The following SLC9A1 variants were observed in gnomAD, a reference collection of about 807,000 sequenced individuals.
The protein encoded by SLC9A1 is sodium/hydrogen exchanger 1.
In SLC9A1, 22 loss-of-function variants were observed where a neutral mutation model predicts 67.9. The ratio of observed to expected loss-of-function variants is 0.32; its 90% CI spans 0.23 to 0.46. The LOEUF (loss-of-function observed/expected upper bound fraction) is 0.46. Among genes scored for constraint, SLC9A1 ranks in the 20% least tolerant of loss-of-function variants. The pLI is 1.00. For missense variants in SLC9A1, 686 were observed against 1,094.8 expected (o/e 0.63, Z 5.27); for synonymous variants, 421 against 471.8 (o/e 0.89, Z 1.40).
intron 1 of SLC9A1, among the ~76,000 whole-genome samples, chr1:27,115,244 C>T (rs963772782): frequency 2.0e-5 from 3 of 152,168 alleles, no homozygotes; most frequent in African/African-American, 7.2e-5. Context: ...AGCCATCTCC[C>T]CAGGCCGTGT....
chr1:27,121,845 G>A (rs1303156805), intron 1 of SLC9A1, among the ~76,000 whole-genome samples: 1 of 152,124 alleles, frequency 6.6e-6, no homozygotes, highest in Non-Finnish European at 1.5e-5. Context: ...GTGGAGGGCC[G>A]GGCGCAGTGG....
chr1:27,131,437 TACAA>T (rs2083383438), intron 1 of SLC9A1, among the ~76,000 whole-genome samples: 1 of 6,144 alleles, frequency 1.6e-4, no homozygotes, highest in Non-Finnish European at 3.8e-4. Context: ...CTACTAAAAA[TACAA>T]AAAAAAAAAA....
intron 1 of SLC9A1, among the ~76,000 whole-genome samples, chr1:27,132,116 C>T (rs904458300): frequency 1.3e-5 from 2 of 151,634 alleles, no homozygotes; most frequent in African/African-American, 4.9e-5. Flanking sequence ...GACTCAAGCC[C>T]AGAAACTGAC....
chr1:27,100,750 G>A lies in SLC9A1; in HGVS notation c.2111-106C>T, dbSNP rs1367859929. On this transcript the variant is annotated intron_variant, in intron 11 of 11. Coordinates refer to ENST00000263980, the MANE Select transcript of SLC9A1 (RefSeq NM_003047.5). The surrounding 1 kb of genome is among the most constrained non-coding windows in gnomAD (Gnocchi z 5.6). ...TCCTTCAGGCCTTCTCATGAGCACA[G>A]CCGTCCCGGTCCCAACAGGCCTCAG... The A allele has an allele frequency of 2.2e-6, 2 of 889,136 alleles. No individual in the cohort carries two copies. Among genetic ancestry groups the A allele is most frequent in the Non-Finnish European group, 3.5e-6 (2 of 574,428 alleles). 55.1% of individuals were successfully genotyped at this position (889,136 alleles called of 1,614,324 possible). A position where few individuals can be genotyped will look rare whatever the true frequency, so the allele number is the denominator to read the frequency against.
chr1:27,134,696 C>A (rs950415912), intron 1 of SLC9A1, among the ~76,000 whole-genome samples: 5 of 152,152 alleles, frequency 3.3e-5, no homozygotes, highest in Admixed American at 6.5e-5. Context: ...TTCAAAAGAT[C>A]CGATTTAATT....
rs759502838 is a variant in SLC9A1 at position 27,109,483 on chromosome 1, G to A, written c.1064+44C>T. The stretch of plus-strand genomic sequence containing the variant: ...TGGGGAATCCAAGCTGGCAGCCCCC[G>A]CCCCCACCCCGCCAAGCCCACTGCC... On this transcript the variant is annotated intron_variant, in intron 3 of 11. Transcript: ENST00000263980. The surrounding 1 kb of genome is among the most constrained non-coding windows in gnomAD (Gnocchi z 5.5). The A allele has an allele frequency of 1.8e-5, 25 of 1,388,008 alleles. No individual in the cohort carries two copies. Among genetic ancestry groups the A allele is most frequent in the South Asian group, 7.0e-5 (6 of 86,048 alleles). 86.0% of individuals were successfully genotyped at this position (1,388,008 alleles called of 1,614,324 possible).
intron 2 of SLC9A1, among the ~76,000 whole-genome samples, chr1:27,111,888 G>A (rs1380740137): frequency 1.3e-5 from 2 of 152,236 alleles, no homozygotes; most frequent in African/African-American, 2.4e-5. Flanking sequence ...CACTACCACC[G>A]CTGCCACTGC....
At position 27,100,188 on chromosome 1, in the gene SLC9A1, A is replaced by C; in HGVS notation, c.*119T>G. 2.9e-6 allele frequency: 2 copies of C among 689,938 alleles called. No homozygotes were observed. Among genetic ancestry groups the C allele is most frequent in the Non-Finnish European group, 4.6e-6 (2 of 438,244 alleles). 42.7% of individuals were successfully genotyped at this position (689,938 alleles called of 1,614,324 possible). A position where few individuals can be genotyped will look rare whatever the true frequency, so the allele number is the denominator to read the frequency against. On this transcript the variant is annotated 3_prime_UTR_variant, in exon 12 of 12. Coordinates refer to ENST00000263980, the MANE Select transcript of SLC9A1 (RefSeq NM_003047.5). This position sits in a 1 kb window ranked among gnomAD's most constrained non-coding sequence, Gnocchi z 5.6. ...GGTGGGGGCTGTGGGCCCAGCTGCC[A>C]TGCGGTAGGGGGAGGGGCAGGGCCA...
chr1:27,129,903 A>G, intron 1 of SLC9A1, among the ~76,000 whole-genome samples: 1 of 152,064 alleles, frequency 6.6e-6, no homozygotes, highest in Non-Finnish European at 1.5e-5. Context: ...AGCTGAGGAA[A>G]CCGGGGCAGA....
chr1:27,133,866 G>A (rs1404800365), intron 1 of SLC9A1, among the ~76,000 whole-genome samples: 1 of 151,442 alleles, frequency 6.6e-6, no homozygotes, highest in Non-Finnish European at 1.5e-5. Context: ...CCCAGTTCAA[G>A]CAATTCTCCT....
chr1:27,147,470 G>A (rs2083495775), intron 1 of SLC9A1, among the ~76,000 whole-genome samples: 1 of 150,496 alleles, frequency 6.6e-6, no homozygotes, highest in African/African-American at 2.4e-5. Context: ...CAGCCTGGGC[G>A]ACAGAGTGAG....
intron 1 of SLC9A1, among the ~76,000 whole-genome samples, chr1:27,121,620 T>C (rs552130736): frequency 6.6e-6 from 1 of 152,258 alleles, no homozygotes; most frequent in Admixed American, 6.5e-5. Flanking sequence ...GGCAGGCATG[T>C]TGTGATAGAG....
At chr1:27,147,954 A>G (rs924932695) in intron 1 of SLC9A1, among the ~76,000 whole-genome samples, 4 of 152,046 alleles carry the variant, frequency 2.6e-5, no homozygotes, top group Non-Finnish European at 5.9e-5. Flanking sequence ...AGATTGCACT[A>G]TTGCACTCCA....
rs1343187708 is a variant in SLC9A1, at chr1:27,106,569, C to T, written c.1283-482G>A. ...AGGAATAAAGGGGATTTCAAAAGTG[C>T]ACCAAATAAATGTGAGGTCCTGCCA... On this transcript the variant is annotated intron_variant, in intron 4 of 11. Coordinates refer to ENST00000263980, the MANE Select transcript of SLC9A1 (RefSeq NM_003047.5). The surrounding 1 kb of genome is among the most constrained non-coding windows in gnomAD (Gnocchi z 4.3). Among the ~76,000 whole-genome samples, 1 of 152,074 alleles carries T rather than the reference C, an allele frequency of 6.6e-6. No homozygotes were observed. The highest frequency in any genetic ancestry group is 1.5e-5 in the Non-Finnish European group (1 of 68,004).
intron 1 of SLC9A1, among the ~76,000 whole-genome samples, chr1:27,139,946 T>C (rs936808312): frequency 6.6e-6 from 1 of 151,906 alleles, no homozygotes; most frequent in African/African-American, 2.4e-5. Flanking sequence ...ACTTGCACCA[T>C]CACACCTGGC....
Position 27,099,601 on chromosome 1 carries a change from G to C in SLC9A1, c.*706C>G, listed in dbSNP as rs978192747. On this transcript the variant is annotated 3_prime_UTR_variant, in exon 12 of 12. Transcript: ENST00000263980. ...ACTTAAAAAGGCAGCACATTCTGGA[G>C]CCACGGCCAGTCCTTCCCCTAGCAG... 6.5e-6 allele frequency: 1 copy of C among 152,722 alleles called. No homozygotes were observed. Among genetic ancestry groups the C allele is most frequent in the African/African-American group, 2.4e-5 (1 of 41,454 alleles). The allele number at this position is 152,722 out of a possible 1,614,324, so 9.5% of individuals were successfully genotyped here. A position where few individuals can be genotyped will look rare whatever the true frequency, so the allele number is the denominator to read the frequency against.
At position 27,154,323 on chromosome 1, in the gene SLC9A1, C is replaced by A; in HGVS notation, c.12G>T (p.Arg4=). 6.3e-7 allele frequency: 1 copy of A among 1,589,686 alleles called. No homozygotes were observed. Among genetic ancestry groups the A allele is most frequent in the South Asian group, 1.1e-5 (1 of 87,764 alleles). Reference sequence around the variant, plus strand: ...GTGGAGAGAGGCCACAGATGCCAGACCGCAGAACCATGGTGCTGCTTCCAG... The same window carrying A: ...GTGGAGAGAGGCCACAGATGCCAGAACGCAGAACCATGGTGCTGCTTCCAG... MVL[R]SGICGLSPHR... The change falls in exon 1 of 12, where the codon CGG becomes CGT. Residue 4 remains arginine (R), a synonymous_variant. Coordinates refer to ENST00000263980, the MANE Select transcript of SLC9A1 (RefSeq NM_003047.5).
chr1:27,113,264 G>C (rs1254159556), intron 2 of SLC9A1, among the ~76,000 whole-genome samples: 1 of 152,146 alleles, frequency 6.6e-6, no homozygotes, highest in African/African-American at 2.4e-5. Context: ...TTCAAGACCA[G>C]CCTGGGCAAC....
Position 27,109,513 on chromosome 1 carries a change from G to A in SLC9A1, c.1064+14C>T, listed in dbSNP as rs1397084331. 4 of 1,611,242 alleles carry A rather than the reference G, an allele frequency of 2.5e-6. No homozygotes were observed. Among genetic ancestry groups the A allele is most frequent in the African/African-American group, 2.7e-5 (2 of 74,810 alleles). On this transcript the variant is annotated intron_variant, in intron 3 of 11. Coordinates refer to ENST00000263980, the MANE Select transcript of SLC9A1 (RefSeq NM_003047.5). The surrounding 1 kb of genome is among the most constrained non-coding windows in gnomAD (Gnocchi z 5.5). Reference sequence around the variant, plus strand: ...CACCCCGCCAAGCCCACTGCCTGCTGCACGCAGACTCACGCCATGATGCCT... The same window carrying A: ...CACCCCGCCAAGCCCACTGCCTGCTACACGCAGACTCACGCCATGATGCCT...
Sources: allele counts gnomAD v4.1 joint callset (sites outside exome capture counted in the v4.1 genomes callset), GRCh38; gene constraint gnomAD v4.1.1; non-coding constraint Gnocchi (gnomAD v3.1); transcripts MANE v1.5; gene names NCBI Gene and HGNC (gene_info 2026-07-23, HGNC 2026-07-21).